Variants in USP54 observed in about 807,000 individuals in gnomAD.
The protein encoded by USP54 is ubiquitin carboxyl-terminal hydrolase 54.
USP54 carries 87 observed loss-of-function variants against 170.5 expected under a neutral mutation model. That is an observed-to-expected ratio of 0.51 (90% confidence interval 0.43 to 0.61). USP54 has a LOEUF of 0.61. Among genes scored for constraint, USP54 ranks in the 20% least tolerant of loss-of-function variants. USP54 has a pLI of 0.00. For synonymous variants in USP54, 655 were observed against 742.8 expected (o/e 0.88, Z 1.92); for missense variants, 1,786 against 2,047.8 (o/e 0.87, Z 2.47).
chr10:73,579,711 T>C (rs959588959), intron 1 of USP54, among the ~76,000 whole-genome samples: 3 of 151,640 alleles, frequency 2.0e-5, no homozygotes, highest in African/African-American at 7.3e-5. Flanking sequence ...AAGCTGGGAT[T>C]GCACCACTGC....
At chr10:73,511,678 A>T (rs996455871) in intron 20 of USP54, among the ~76,000 whole-genome samples, 1 of 152,092 alleles carries the variant, frequency 6.6e-6, no homozygotes, top group African/African-American at 2.4e-5. Context: ...AATAAATTTT[A>T]AAAAGTAATG....
intron 1 of USP54, among the ~76,000 whole-genome samples, chr10:73,617,478 A>C (rs1196107703): frequency 6.7e-6 from 1 of 150,170 alleles, no homozygotes; most frequent in Non-Finnish European, 1.5e-5. Flanking sequence ...ATAAAAATAA[A>C]AAATAATAAT....
chr10:73,615,963 T>C (rs2080598343), intron 1 of USP54, among the ~76,000 whole-genome samples: 1 of 148,384 alleles, frequency 6.7e-6, no homozygotes, highest in Non-Finnish European at 1.5e-5. Flanking sequence ...TCCCAGCACT[T>C]TGGGAGGCCA....
chr10:73,597,252 G>C (rs1440771959), intron 1 of USP54, among the ~76,000 whole-genome samples: 1 of 152,142 alleles, frequency 6.6e-6, no homozygotes, highest in Non-Finnish European at 1.5e-5. Context: ...CCCTCTTCTT[G>C]CCTGGGGACT....
intron 17 of USP54, among the ~76,000 whole-genome samples, chr10:73,522,497 C>A (rs1208931394): frequency 6.6e-6 from 1 of 152,120 alleles, no homozygotes; most frequent in Non-Finnish European, 1.5e-5. Flanking sequence ...GGATCTCCTC[C>A]TAACTTTAAT....
Position 73,516,689 on chromosome 10 carries a change from T to A in USP54, c.3737A>T (p.Lys1246Met). The A allele has an allele frequency of 6.2e-7, 1 of 1,614,202 alleles. No homozygotes were observed. The highest frequency in any genetic ancestry group is 8.5e-7 in the Non-Finnish European group (1 of 1,180,042). ...CAAGTCAGTACTGCTGCCCAGATCC[T>A]TAGACCTAACATCTCTCACTTGGGA... ...KLSQVRDVRS[K>M]DLGSSTDLGT... is the part of the protein sequence containing the mutation. Residue 1246 changes from lysine to methionine, a missense_variant, in exon 20 of 24, where the codon AAG becomes ATG. Physicochemically the swap from Lys to Met is moderately conservative, Grantham distance 95 (BLOSUM62 -1). Coordinates refer to ENST00000687698, the MANE Select transcript of USP54 (RefSeq NM_001391956.1).
At chr10:73,582,080 A>G (rs1479145172) in intron 1 of USP54, among the ~76,000 whole-genome samples, 2 of 152,056 alleles carry the variant, frequency 1.3e-5, no homozygotes, top group African/African-American at 4.8e-5. Context: ...TGTATTCTTC[A>G]CCAACAAAGT....
In USP54 at chr10:73,530,150, C is replaced by T; in HGVS notation, c.1821G>A (p.Glu607=). The T allele has an allele frequency of 6.2e-7, 1 of 1,609,208 alleles. No homozygotes were observed. The highest frequency in any genetic ancestry group is 8.5e-7 in the Non-Finnish European group (1 of 1,177,668). The change falls in exon 14 of 24, where the codon GAG becomes GAA. Residue 607 remains glutamate, a synonymous_variant. Transcript: ENST00000687698. ...CCCTAATTATCTCCTCACCTGAATC[C>T]TCAGAAAAGGGGCTAAGCTGGGTAT... ...CGYTQLSPFS[E]DSAKEFIPDE...
intron 3 of USP54, among the ~76,000 whole-genome samples, chr10:73,572,032 G>C (rs1564877130): frequency 6.6e-6 from 1 of 152,128 alleles, no homozygotes; most frequent in Non-Finnish European, 1.5e-5. Flanking sequence ...AAAAAAATAT[G>C]ATATTAACAG....
At chr10:73,512,410 A>G (rs1386393359) in intron 20 of USP54, among the ~76,000 whole-genome samples, 1 of 152,098 alleles carries the variant, frequency 6.6e-6, no homozygotes. Context: ...AAGTGCTGGT[A>G]TTACAGGTGT....
At chr10:73,509,452 A>C (rs1037870830) in intron 20 of USP54, among the ~76,000 whole-genome samples, 1 of 151,178 alleles carries the variant, frequency 6.6e-6, no homozygotes, top group South Asian at 2.1e-4. Context: ...AAAAAAAAAA[A>C]AAAACAACAA....
At chr10:73,559,258 T>C (rs1564826242) in intron 4 of USP54, among the ~76,000 whole-genome samples, 1 of 151,612 alleles carries the variant, frequency 6.6e-6, no homozygotes, top group Non-Finnish European at 1.5e-5. Flanking sequence ...CTGTCTCTAC[T>C]AAAAATACAA....
intron 4 of USP54, among the ~76,000 whole-genome samples, chr10:73,570,464 T>G (rs930851391): frequency 1.1e-4 from 17 of 150,338 alleles, no homozygotes; most frequent in Non-Finnish European, 1.8e-4. Context: ...GGTAGAGAAC[T>G]GGTATAAAAG....
At chr10:73,518,064 T>C in intron 19 of USP54, 1 of 656,376 alleles carries the variant, frequency 1.5e-6, no homozygotes, top group Non-Finnish European at 1.9e-6. Context: ...CACATTCTAC[T>C]TGCAAATTAG....
At chr10:73,502,158 G>A (rs74563642) in intron 22 of USP54, among the ~76,000 whole-genome samples, 292 of 152,130 alleles carry the variant, frequency 1.9e-3, no homozygotes, top group Non-Finnish European at 2.6e-3. Context: ...TTTCCTTTAC[G>A]AGACTGCAAG....
At chr10:73,545,500 C>G in intron 5 of USP54, 38 bp downstream of exon 5, 3 of 1,611,046 alleles carry the variant, frequency 1.9e-6, no homozygotes, top group Non-Finnish European at 2.5e-6. Context: ...ATCAGCAGTC[C>G]CACCCCATAT....
At chr10:73,515,499 C>T (rs1438445997) in intron 20 of USP54, among the ~76,000 whole-genome samples, 1 of 152,186 alleles carries the variant, frequency 6.6e-6, no homozygotes, top group Non-Finnish European at 1.5e-5. Context: ...CTACTCTTCA[C>T]TCTGTATTAT....
Position 73,497,792 on chromosome 10 carries a change from A to G in USP54, c.*837T>C, listed in dbSNP as rs1384022594. 1.3e-5 allele frequency: 2 copies of G among 152,264 alleles called. No homozygotes were observed. The highest frequency in any genetic ancestry group is 2.9e-5 in the Non-Finnish European group (2 of 68,074). The allele number at this position is 152,264 out of a possible 1,614,324, so 9.4% of individuals were successfully genotyped here. A position where few individuals can be genotyped will look rare whatever the true frequency, so the allele number is the denominator to read the frequency against. ...GGCACAGGGAATGCTGACAGGCCAT[A>G]ATACCTGGGCAGGGGGGCTGCCCTG... On this transcript the variant is annotated 3_prime_UTR_variant, in exon 24 of 24. Coordinates refer to ENST00000687698, the MANE Select transcript of USP54 (RefSeq NM_001391956.1).
intron 1 of USP54, among the ~76,000 whole-genome samples, chr10:73,613,269 C>A (rs2080308989): frequency 6.6e-6 from 1 of 151,186 alleles, no homozygotes; most frequent in Non-Finnish European, 1.5e-5. Context: ...GTAGCTGGGA[C>A]TACAGGTGCA....
Sources: gnomAD v4.1 joint callset for allele counts (sites outside exome capture counted in the v4.1 genomes callset) on GRCh38, gnomAD v4.1.1 for gene constraint, MANE v1.5 for transcripts, NCBI Gene and HGNC (gene_info 2026-07-23, HGNC 2026-07-21) for gene names.